The following STK3 variants were observed in gnomAD, a reference collection of about 807,000 sequenced individuals.
The protein encoded by STK3 is serine/threonine-protein kinase 3.
Under a neutral mutation model 58.0 loss-of-function variants are expected in STK3, and 41 were observed. The ratio of observed to expected loss-of-function variants is 0.71; its 90% CI spans 0.55 to 0.92. The LOEUF is 0.92. Among genes scored for constraint, STK3 ranks in the 40% least tolerant of loss-of-function variants. The probability of loss-of-function intolerance (pLI) is 0.00; values close to 1 mark genes in which losing one functional copy is unlikely to be tolerated. For synonymous variants in STK3, 170 were observed against 191.0 expected, an observed-to-expected ratio of 0.89 and a Z score of 0.91; for missense variants, 479 against 602.7, an observed-to-expected ratio of 0.79 and a Z score of 2.15.
intron 4 of STK3, among the ~76,000 whole-genome samples, chr8:98,723,835 C>T (rs1827613597): frequency 6.6e-6 from 1 of 152,026 alleles, no homozygotes; most frequent in Non-Finnish European, 1.5e-5. Context: ...CAATGTAATC[C>T]TTACACAGTC....
intron 6 of STK3, among the ~76,000 whole-genome samples, chr8:98,630,217 A>G (rs1369606406): frequency 6.6e-6 from 1 of 152,200 alleles, no homozygotes; most frequent in Admixed American, 6.5e-5. Context: ...AATCTTTTCA[A>G]TGGCAGTTGT....
intron 4 of STK3, among the ~76,000 whole-genome samples, chr8:98,711,235 C>A (rs1273767365): frequency 6.6e-6 from 1 of 152,192 alleles, no homozygotes; most frequent in East Asian, 1.9e-4. Context: ...TGCCTCTCCT[C>A]CTCCAAAGGA....
chr8:98,904,185 G>C (rs192896717), intron 1 of STK3, among the ~76,000 whole-genome samples: 2 of 152,120 alleles, frequency 1.3e-5, no homozygotes, highest in African/African-American at 4.8e-5. Flanking sequence ...TTAGAGTCCA[G>C]AACTAACAGA....
At chr8:98,932,288 A>T (rs1295274544) in intron 1 of STK3, among the ~76,000 whole-genome samples, 1 of 152,202 alleles carries the variant, frequency 6.6e-6, no homozygotes, top group Non-Finnish European at 1.5e-5. Context: ...GTTTTCTAAG[A>T]TTTATCTATT....
At chr8:98,621,087 G>A (rs1281340616) in intron 6 of STK3, among the ~76,000 whole-genome samples, 3 of 151,978 alleles carry the variant, frequency 2.0e-5, no homozygotes, top group Non-Finnish European at 2.9e-5. Flanking sequence ...CCGCCACTAC[G>A]CCCAGCTAAT....
rs570497549 is a variant in STK3, at chr8:98,589,842, G to T, written c.822+6190C>A. 2.4e-4 allele frequency among the ~76,000 whole-genome samples: 37 copies of T among 152,348 alleles called. 2 individuals are homozygous for T. The South Asian group carries it at 7.5e-3, about 31-fold the overall frequency. On this transcript the variant is annotated intron_variant, in intron 7 of 10. Coordinates refer to ENST00000419617, the MANE Select transcript of STK3 (RefSeq NM_006281.4). ...CCCGTCGGAAAAGTGCAGTATTAGG[G>T]TGGGAGTGGCCTGATTTTCCAGGTG...
intron 1 of STK3, among the ~76,000 whole-genome samples, chr8:98,382,755 A>G (rs1179105476): frequency 6.6e-6 from 1 of 152,136 alleles, no homozygotes; most frequent in East Asian, 1.9e-4. Flanking sequence ...CAGCGGCCAC[A>G]TGACTGAGGG....
At chr8:98,612,569 A>T (rs1312007653) in intron 6 of STK3, among the ~76,000 whole-genome samples, 1 of 151,828 alleles carries the variant, frequency 6.6e-6, no homozygotes, top group Non-Finnish European at 1.5e-5. Flanking sequence ...ACTTCCCTGG[A>T]TCTTCTTTGT....
chr8:98,537,651 G>A lies in STK3; in HGVS notation c.1141+10318C>T, dbSNP rs1035248005. ...GACATCAATTTCTCCAGCTGCAGCCGAATTCTGACCCCAGCTTACAAAAAC... is the reference window on the plus strand; with the variant it reads ...GACATCAATTTCTCCAGCTGCAGCCAAATTCTGACCCCAGCTTACAAAAAC... On this transcript the variant is annotated intron_variant, in intron 9 of 10. Coordinates refer to ENST00000419617, the MANE Select transcript of STK3 (RefSeq NM_006281.4). 4.6e-5 allele frequency among the ~76,000 whole-genome samples: 7 copies of A among 152,062 alleles called. No individual in the cohort carries two copies. In the East Asian group the frequency reaches 7.7e-4, roughly 17 times the overall value.
At chr8:98,704,142 T>A (rs1213182052) in intron 6 of STK3, among the ~76,000 whole-genome samples, 1 of 152,126 alleles carries the variant, frequency 6.6e-6, no homozygotes, top group Non-Finnish European at 1.5e-5. Flanking sequence ...GAAGAATAAC[T>A]AACAGAAAAC....
chr8:98,730,509 G>C (rs1230240537), intron 4 of STK3, among the ~76,000 whole-genome samples: 3 of 152,072 alleles, frequency 2.0e-5, no homozygotes, highest in Non-Finnish European at 2.9e-5. Flanking sequence ...CCTGAGGTCA[G>C]GAGTTCAAGA....
chr8:98,695,817 T>C (rs1038526150), intron 6 of STK3, among the ~76,000 whole-genome samples: 8 of 152,238 alleles, frequency 5.3e-5, no homozygotes, highest in Non-Finnish European at 7.3e-5. Flanking sequence ...AGCTTTGTTC[T>C]TTTGGGTTAG....
At chr8:98,902,057 C>T (rs1838678331) in intron 1 of STK3, among the ~76,000 whole-genome samples, 1 of 152,148 alleles carries the variant, frequency 6.6e-6, no homozygotes, top group South Asian at 2.1e-4. Flanking sequence ...ACACTCTATT[C>T]TCTTGGCTGC....
At chr8:98,748,503 TTGAC>T (rs1357084932) in intron 4 of STK3, among the ~76,000 whole-genome samples, 19 of 152,098 alleles carry the variant, frequency 1.2e-4, no homozygotes, top group Non-Finnish European at 2.8e-4. Flanking sequence ...TAACTACAAA[TTGAC>T]TGAAGTATTT....
At chr8:98,942,296 G>A (rs1028487111) in intron 1 of STK3, 3 of 152,350 alleles carry the variant, frequency 2.0e-5, no homozygotes, top group Non-Finnish European at 4.4e-5. Flanking sequence ...TGCCCATCGA[G>A]GCGGCAGGGC....
chr8:98,624,705 T>G (rs1462875345), intron 6 of STK3, among the ~76,000 whole-genome samples: 2 of 151,800 alleles, frequency 1.3e-5, no homozygotes, highest in African/African-American at 4.8e-5. Flanking sequence ...ATACAAAAAA[T>G]GAGCCGGGTA....
At chr8:98,634,569 T>C (rs1448475709) in intron 6 of STK3, among the ~76,000 whole-genome samples, 1 of 152,054 alleles carries the variant, frequency 6.6e-6, no homozygotes, top group Non-Finnish European at 1.5e-5. Context: ...GGCACCACCA[T>C]CTAACCAGTT....
At chr8:98,620,471 AAAATAAATAAAT>A (rs890531582) in intron 6 of STK3, among the ~76,000 whole-genome samples, 5 of 148,198 alleles carry the variant, frequency 3.4e-5, no homozygotes, top group South Asian at 2.1e-4. Context: ...TATAATAAAA[AAAATAAATAAAT>A]AAATAAATAA....
chr8:98,815,670 T>C (rs1029206197), intron 1 of STK3, among the ~76,000 whole-genome samples: 5 of 152,082 alleles, frequency 3.3e-5, no homozygotes, highest in Admixed American at 1.3e-4. Flanking sequence ...ATAATGGCAT[T>C]TAAAAGAAAA....
Sources: allele counts gnomAD v4.1 joint callset (sites outside exome capture counted in the v4.1 genomes callset), GRCh38; gene constraint gnomAD v4.1.1; transcripts MANE v1.5; gene names NCBI Gene and HGNC (gene_info 2026-07-23, HGNC 2026-07-21).